The following RMP64 variants were observed in gnomAD, a reference collection of about 807,000 sequenced individuals.
RMP64 encodes ribonuclease MRP subunit p64, also known as nucleolus and neural progenitor protein.
the RMP64 span, chr3:113,019,624 G>A: frequency 1.9e-6 from 3 of 1,613,624 alleles, no homozygotes; most frequent in Non-Finnish European, 2.5e-6. Context: ...ACGGCTCCAG[G>A]CCCGGCGGCA....
chr3:113,019,367 C>T, the RMP64 span, among the ~76,000 whole-genome samples: 1 of 152,340 alleles, frequency 6.6e-6, no homozygotes, highest in Non-Finnish European at 1.5e-5. Flanking sequence ...AGCCAGAGGC[C>T]CTACAAGCTA....
At chr3:113,011,101 T>C in the RMP64 span, 3 of 1,612,750 alleles carry the variant, frequency 1.9e-6, no homozygotes, top group African/African-American at 1.3e-5. Context: ...ATTCTGTACA[T>C]TGATCTTCAT....
chr3:113,003,928 G>A, the RMP64 span: 3 of 152,142 alleles, frequency 2.0e-5, no homozygotes, highest in African/African-American at 7.2e-5. Flanking sequence ...GGGACTGGGT[G>A]CATGAATATA....
the RMP64 span, chr3:113,010,511 CACTG>C: frequency 2.9e-6 from 2 of 682,980 alleles, no homozygotes; most frequent in South Asian, 1.9e-5. Flanking sequence ...CAGAAGCACA[CACTG>C]ACAACTAAGA....
the RMP64 span, chr3:113,005,962 G>A: frequency 2.5e-6 from 4 of 1,613,476 alleles, no homozygotes; most frequent in African/African-American, 5.3e-5. Context: ...GAAGAAGGTG[G>A]TTGCAAATAG....
At chr3:113,019,284 C>A in the RMP64 span, 2 of 518,040 alleles carry the variant, frequency 3.9e-6, no homozygotes, top group South Asian at 2.4e-5. Flanking sequence ...CCTCAGCGCA[C>A]GGCTGAGCCT....
the RMP64 span, among the ~76,000 whole-genome samples, chr3:113,006,799 C>A: frequency 6.6e-6 from 1 of 152,156 alleles, no homozygotes; most frequent in African/African-American, 2.4e-5. Context: ...GGTGGGTGTA[C>A]TTCAGAGTTG....
the RMP64 span, chr3:113,008,207 C>G: frequency 1.2e-6 from 2 of 1,614,006 alleles, no homozygotes; most frequent in African/African-American, 2.7e-5. Flanking sequence ...AAGCCGGTTG[C>G]TTTTAAGAAG....
the RMP64 span, chr3:113,013,451 GTTTTTTTTTTGTT>G: frequency 4.9e-4 from 617 of 1,260,722 alleles, no homozygotes; most frequent in African/African-American, 3.4e-3. Flanking sequence ...AAAAAAAAGG[GTTTTTTTTTTGTT>G]TTTTTTTTTT....
chr3:113,004,617 G>T, the RMP64 span: 22 of 152,124 alleles, frequency 1.4e-4, no homozygotes, highest in Non-Finnish European at 2.5e-4. Flanking sequence ...TAGAACATTG[G>T]AAAGATACCT....
the RMP64 span, chr3:113,008,666 A>T: frequency 8.4e-5 from 15 of 178,018 alleles, no homozygotes; most frequent in African/African-American, 3.8e-4. Context: ...CCTAAAAATT[A>T]AAAAAAAAAA....
At chr3:113,005,559 T>A in the RMP64 span, 1 of 1,612,202 alleles carries the variant, frequency 6.2e-7, no homozygotes, top group South Asian at 1.1e-5. Context: ...AAAGCAAAAA[T>A]ATCATCAATG....
At chr3:113,016,088 C>A in the RMP64 span, among the ~76,000 whole-genome samples, 6 of 151,738 alleles carry the variant, frequency 4.0e-5, no homozygotes, top group Non-Finnish European at 8.8e-5. Flanking sequence ...TGTGTTGAGT[C>A]CAGGTTGGCT....
the RMP64 span, among the ~76,000 whole-genome samples, chr3:113,016,693 A>C: frequency 6.6e-6 from 1 of 152,332 alleles, no homozygotes; most frequent in East Asian, 1.9e-4. Flanking sequence ...GAAAGCATGC[A>C]TCTATAAGGT....
the RMP64 span, among the ~76,000 whole-genome samples, chr3:113,016,691 G>C: frequency 6.6e-6 from 1 of 152,278 alleles, no homozygotes; most frequent in African/African-American, 2.4e-5. Context: ...CAGAAAGCAT[G>C]CATCTATAAG....
At chr3:113,016,667 G>A in the RMP64 span, among the ~76,000 whole-genome samples, 2 of 152,142 alleles carry the variant, frequency 1.3e-5, no homozygotes, top group South Asian at 2.1e-4. Flanking sequence ...AAGTACTAGG[G>A]GTAGAAAACT....
At chr3:113,019,466 C>A in the RMP64 span, 1 of 1,250,870 alleles carries the variant, frequency 8.0e-7, no homozygotes, top group Non-Finnish European at 1.1e-6. Context: ...GGTACCACCC[C>A]CGCCCACATG....
At chr3:113,016,205 GACAC>G in the RMP64 span, among the ~76,000 whole-genome samples, 1 of 152,136 alleles carries the variant, frequency 6.6e-6, no homozygotes, top group South Asian at 2.1e-4. Flanking sequence ...CTTTACTCAG[GACAC>G]AATGGAGAAC....
At chr3:113,015,860 A>T in the RMP64 span, among the ~76,000 whole-genome samples, 14 of 126,742 alleles carry the variant, frequency 1.1e-4, no homozygotes, top group Middle Eastern at 4.1e-3. Context: ...CCAAGAATTT[A>T]AAAAAAAAAA....
Sources: allele counts gnomAD v4.1 joint callset (sites outside exome capture counted in the v4.1 genomes callset), GRCh38; gene constraint gnomAD v4.1.1; transcripts MANE v1.5; gene names NCBI Gene and HGNC (gene_info 2026-07-23, HGNC 2026-07-21).